The following KIF24 variants were observed in gnomAD, a reference collection of about 807,000 sequenced individuals.
KIF24 encodes the protein kinesin-like protein KIF24.
KIF24 carries 81 observed loss-of-function variants against 118.9 expected under a neutral mutation model. The observed-to-expected ratio is 0.68, with a 90% CI of 0.57 to 0.82. KIF24 has a LOEUF of 0.82. Ranked by LOEUF, KIF24 falls within the 40% of genes least tolerant of loss-of-function variation. The pLI, the probability that KIF24 is intolerant of heterozygous loss-of-function variation, is 0.00. For synonymous variants in KIF24, 599 were observed against 610.0 expected (o/e 0.98, Z 0.27); for missense variants, 1,560 against 1,661.6 (o/e 0.94, Z 1.06).
rs1836905121 is a variant in KIF24 at position 34,306,128 on chromosome 9, C to A, written c.813+124G>T. 5.9e-6 allele frequency: 4 copies of A among 679,014 alleles called. No individual in the cohort carries two copies. In the South Asian group the frequency reaches 7.6e-5, roughly 13 times the overall value. The allele number at this position is 679,014 out of a possible 1,614,324, so 42.1% of individuals were successfully genotyped here. On this transcript the variant is annotated intron_variant, in intron 3 of 12. Transcript: ENST00000402558. ...TCACATCAGGAATGAATGTCAACAC[C>A]CGAACCAGAAACTTGATTTTCAGTG...
intron 3 of KIF24, among the ~76,000 whole-genome samples, chr9:34,299,399 C>T (rs1425684116): frequency 1.3e-5 from 2 of 151,916 alleles, no homozygotes; most frequent in African/African-American, 4.8e-5. Flanking sequence ...CCAGGCTGGT[C>T]TCGAACTCCT....
intron 7 of KIF24, among the ~76,000 whole-genome samples, chr9:34,271,426 C>T (rs1449269083): frequency 2.0e-5 from 3 of 151,828 alleles, no homozygotes; most frequent in Admixed American, 6.6e-5. Flanking sequence ...TAAGAGAGCA[C>T]CAGAGAGGCA....
In KIF24 at chr9:34,257,917, C is replaced by T; in HGVS notation, c.1690G>A (p.Gly564Arg). The stretch of plus-strand genomic sequence containing the variant: ...TGAATTCGTTTTGGAGAGGAGTTTC[C>T]AGATGTCCGATTTCGACTGGTAACT... The part of the protein sequence containing the change: ...TSVTSRNRTS[G>R]NSSPKRIQSS... Residue 564 changes from glycine to arginine, a missense_variant, in exon 11 of 13, where the codon GGA (glycine) becomes AGA (arginine). Gly to Arg is a moderately radical substitution (Grantham distance 125, BLOSUM62 -2). Coordinates refer to ENST00000402558, the MANE Select transcript of KIF24 (RefSeq NM_194313.4). The T allele has an allele frequency of 6.2e-7, 1 of 1,613,964 alleles. No individual in the cohort carries two copies. Among genetic ancestry groups the T allele is most frequent in the East Asian group, 2.2e-5 (1 of 44,884 alleles).
chr9:34,310,366 G>A (rs1392194253), intron 2 of KIF24, among the ~76,000 whole-genome samples: 2 of 148,238 alleles, frequency 1.3e-5, no homozygotes, highest in Non-Finnish European at 3.0e-5. Context: ...TGTGGATTGT[G>A]TAATTTTTTT....
chr9:34,280,819 A>G (rs1355608218), intron 6 of KIF24, among the ~76,000 whole-genome samples: 1 of 152,180 alleles, frequency 6.6e-6, no homozygotes. Context: ...CAGGAAAAAG[A>G]AACTTAGAAA....
intron 1 of KIF24, among the ~76,000 whole-genome samples, chr9:34,324,432 T>A (rs1307769964): frequency 6.6e-6 from 1 of 152,140 alleles, no homozygotes; most frequent in Non-Finnish European, 1.5e-5. Flanking sequence ...TCCAGCCAAT[T>A]TAATCTCCCA....
intron 3 of KIF24, among the ~76,000 whole-genome samples, chr9:34,300,247 T>A (rs1280148902): frequency 6.7e-6 from 1 of 149,626 alleles, no homozygotes; most frequent in Non-Finnish European, 1.5e-5. Flanking sequence ...TGTGGTAAGA[T>A]TTTAAGAACA....
At chr9:34,315,764 C>T (rs920973396) in intron 1 of KIF24, among the ~76,000 whole-genome samples, 1 of 152,246 alleles carries the variant, frequency 6.6e-6, no homozygotes, top group Non-Finnish European at 1.5e-5. Flanking sequence ...CACAGTGGCT[C>T]ATGCCTGTAA....
intron 8 of KIF24, among the ~76,000 whole-genome samples, chr9:34,265,634 A>G (rs1356606126): frequency 1.3e-5 from 2 of 152,302 alleles, no homozygotes; most frequent in Non-Finnish European, 2.9e-5. Context: ...ATGACTGTAC[A>G]TCCTTAGTGG....
At position 34,256,073 on chromosome 9, in the gene KIF24, C is replaced by A; in HGVS notation, c.3534G>T (p.Glu1178Asp). 4 of 1,613,976 alleles carry A rather than the reference C, an allele frequency of 2.5e-6. No individual in the cohort carries two copies. Among genetic ancestry groups the A allele is most frequent in the Non-Finnish European group, 3.4e-6 (4 of 1,179,862 alleles). ...GSEQYDADAE[E>D]TGLDGSWGFP... Reference sequence around the variant, plus strand: ...AACCCCAGGAGCCATCCAGCCCCGTCTCCTCTGCATCAGCATCATACTGCT... The same window carrying A: ...AACCCCAGGAGCCATCCAGCCCCGTATCCTCTGCATCAGCATCATACTGCT... Residue 1178 changes from glutamate to aspartate, a missense_variant, in exon 11 of 13, where the codon GAG (glutamate) becomes GAT (aspartate). Physicochemically the swap from Glu to Asp is conservative, Grantham distance 45. Coordinates refer to ENST00000402558, the MANE Select transcript of KIF24 (RefSeq NM_194313.4).
Position 34,263,097 on chromosome 9 carries a change from T to TAG in KIF24, c.1515+3_1515+4insCT. ...ACAAACTCAAGGCTCACATTTAACT[T>TAG]TACCTGAGTTAGTTTGCTTTGCCTG... On this transcript the variant is annotated splice_donor_region_variant and intron_variant, in intron 9 of 12. Coordinates refer to ENST00000402558, the MANE Select transcript of KIF24 (RefSeq NM_194313.4). 1.2e-6 allele frequency: 2 copies of TAG among 1,608,178 alleles called. No individual in the cohort carries two copies. Among genetic ancestry groups the TAG allele is most frequent in the South Asian group, 2.2e-5 (2 of 90,672 alleles).
chr9:34,332,062 C>T (rs1837955716), upstream of KIF24, among the ~76,000 whole-genome samples: 1 of 152,248 alleles, frequency 6.6e-6, no homozygotes, highest in Non-Finnish European at 1.5e-5. Context: ...GTTAATCTCT[C>T]TGCCTCCAAT....
Position 34,319,132 on chromosome 9 carries a change from C to T in KIF24, c.-25-7761G>A, listed in dbSNP as rs945978178. On this transcript the variant is annotated intron_variant, in intron 1 of 12. Transcript: ENST00000402558. ...TGGTGATGCACCAGACAGGCCTCTA[C>T]AACTACTATGACAATGAGAAGGAAA... 4 of 1,541,398 alleles carry T rather than the reference C, an allele frequency of 2.6e-6. 1 individual carries two copies. The South Asian group carries it at 4.5e-5, about 17-fold the overall frequency.
At chr9:34,282,365 T>C (rs1235396605) in intron 6 of KIF24, among the ~76,000 whole-genome samples, 2 of 152,154 alleles carry the variant, frequency 1.3e-5, no homozygotes, top group African/African-American at 2.4e-5. Flanking sequence ...TGCCAGGCAC[T>C]GGGGGCAGGA....
In KIF24 at chr9:34,255,857, A is replaced by G. The variant is rs959368125; in HGVS notation, c.3750T>C (p.Asn1250=). The G allele has an allele frequency of 3.1e-6, 5 of 1,613,972 alleles. No homozygotes were observed. Among genetic ancestry groups the G allele is most frequent in the African/African-American group, 2.7e-5 (2 of 75,042 alleles). The change falls in exon 11 of 13, where the codon AAT becomes AAC. Residue 1250 remains asparagine, a synonymous_variant. Transcript: ENST00000402558. ...DPIKLPCNSE[N]VTWLKPRPIS... ...TCGGCCTGGGTTTGAGCCATGTGAC[A>G]TTTTCACTGTTGCAGGGCAACTTGA...
chr9:34,329,961 A>G (rs116060961), upstream of KIF24, among the ~76,000 whole-genome samples: 2 of 152,234 alleles, frequency 1.3e-5, no homozygotes, highest in Admixed American at 1.3e-4. Context: ...GTTGCTACCC[A>G]TTAAACCCCG....
rs146794740 is a variant in KIF24 at position 34,257,933 on chromosome 9, A to G, written c.1674T>C (p.Ser558=). Residue 558 remains serine (S), a synonymous_variant, in exon 11 of 13, where the codon AGT becomes AGC. Coordinates refer to ENST00000402558, the MANE Select transcript of KIF24 (RefSeq NM_194313.4). ...AGGAGTTTCCAGATGTCCGATTTCG[A>G]CTGGTAACTGAAGTGCAACACTTAA... ...KGIKCCTSVT[S]RNRTSGNSSP... is the part of the protein sequence containing the mutation. 2.0e-5 allele frequency: 32 copies of G among 1,613,694 alleles called. No individual in the cohort carries two copies. The highest frequency in any genetic ancestry group is 2.7e-5 in the Non-Finnish European group (32 of 1,179,804).
At position 34,256,007 on chromosome 9, in the gene KIF24, G is replaced by C; in HGVS notation, c.3600C>G (p.Pro1200=). The change falls in exon 11 of 13, where the codon CCC becomes CCG. Residue 1200 remains proline, a synonymous_variant. Transcript: ENST00000402558. ...KPFTTIHMGV[P]HSGPTLTPRT... ...GTGGGGTGAGTGTAGGTCCAGAATG[G>C]GGTACCCCCATATGTATGGTGGTGA... The C allele has an allele frequency of 6.2e-7, 1 of 1,613,874 alleles. No homozygotes were observed. The highest frequency in any genetic ancestry group is 8.5e-7 in the Non-Finnish European group (1 of 1,179,842).
At chr9:34,284,657 G>C (rs1457919745) in intron 6 of KIF24, among the ~76,000 whole-genome samples, 1 of 152,100 alleles carries the variant, frequency 6.6e-6, no homozygotes, top group Non-Finnish European at 1.5e-5. Context: ...AGATGGTTTG[G>C]GGATAAATAC....
Sources: gnomAD v4.1 joint callset for allele counts (sites outside exome capture counted in the v4.1 genomes callset) on GRCh38, gnomAD v4.1.1 for gene constraint, MANE v1.5 for transcripts, NCBI Gene and HGNC (gene_info 2026-07-23, HGNC 2026-07-21) for gene names.